The following AFAP1L1 variants were observed in gnomAD, a reference collection of about 807,000 sequenced individuals.
The protein encoded by AFAP1L1 is actin filament-associated protein 1-like 1.
A neutral mutation model predicts 99.8 loss-of-function variants in AFAP1L1; 77 were observed. The observed-to-expected ratio is 0.77, with a 90% confidence interval of 0.64 to 0.93. AFAP1L1 has a LOEUF of 0.93. Ranked by LOEUF, AFAP1L1 falls within the 40% of genes least tolerant of loss-of-function variation. The pLI is 0.00. For synonymous variants in AFAP1L1, 373 were observed against 395.3 expected, an observed-to-expected ratio of 0.94 and a Z score of 0.67; for missense variants, 893 against 996.8, an observed-to-expected ratio of 0.90 and a Z score of 1.40.
chr5:149,290,205 C>A (rs1206255801), intron 1 of AFAP1L1, among the ~76,000 whole-genome samples: 2 of 152,192 alleles, frequency 1.3e-5, no homozygotes, highest in African/African-American at 4.8e-5. Context: ...TGCACTCCAG[C>A]CTGGGCAACA....
At chr5:149,326,037 CAG>C (rs770634216) in intron 15 of AFAP1L1, among the ~76,000 whole-genome samples, 34 of 152,174 alleles carry the variant, frequency 2.2e-4, no homozygotes, top group Non-Finnish European at 4.9e-4. Context: ...AGCAGTGACT[CAG>C]AGATTTTGCC....
Position 149,317,889 on chromosome 5 carries a change from C to T in AFAP1L1, c.1428C>T (p.His476=). 1.9e-6 allele frequency: 3 copies of T among 1,597,414 alleles called. No homozygotes were observed. Among genetic ancestry groups the T allele is most frequent in the Non-Finnish European group, 1.7e-6 (2 of 1,172,086 alleles). The change falls in exon 12 of 19, where the codon CAC becomes CAT. Residue 476 remains histidine (H), a synonymous_variant. Transcript: ENST00000296721. ...CEVAPGFGPR[H]PFAFRILRNR... is the part of the protein sequence containing the mutation. ...TGGCCCCGGGCTTTGGGCCCCGACACCCATTTGCCTTCAGGATCCTGCGCA... is the reference window on the plus strand; with the variant it reads ...TGGCCCCGGGCTTTGGGCCCCGACATCCATTTGCCTTCAGGATCCTGCGCA...
chr5:149,285,858 T>A (rs352356), intron 1 of AFAP1L1, among the ~76,000 whole-genome samples: 117,488 of 151,550 alleles, frequency 0.78, 47,428 homozygotes, highest in Non-Finnish European at 0.88. Flanking sequence ...GGCAGGATTC[T>A]TGGGGCCTCC....
intron 9 of AFAP1L1, among the ~76,000 whole-genome samples, chr5:149,314,132 A>G (rs1265427545): frequency 2.0e-5 from 3 of 152,198 alleles, no homozygotes; most frequent in African/African-American, 7.2e-5. Context: ...AACAGAAGCA[A>G]AGGTATGGGA....
chr5:149,275,458 T>C (rs1370620225), intron 1 of AFAP1L1, among the ~76,000 whole-genome samples: 1 of 128,876 alleles, frequency 7.8e-6, no homozygotes, highest in East Asian at 2.9e-4. Flanking sequence ...CTTCTTCTTC[T>C]TCCTCTTCCT....
rs182786818 is a variant in AFAP1L1, at chr5:149,299,803, C to T, written c.145+166C>T. The stretch of plus-strand genomic sequence containing the variant: ...GACACAGCGTCCAATGCATTCCATG[C>T]GAGCTCTTGCCCAATGTCCTTGTCC... On this transcript the variant is annotated intron_variant, in intron 2 of 18. Coordinates refer to ENST00000296721, the MANE Select transcript of AFAP1L1 (RefSeq NM_152406.4). Among the ~76,000 whole-genome samples the T allele has an allele frequency of 3.3e-3, 503 of 152,220 alleles. 3 individuals are homozygous for T. The highest frequency in any genetic ancestry group is 0.011 in the African/African-American group (450 of 41,500).
intron 9 of AFAP1L1, among the ~76,000 whole-genome samples, chr5:149,314,070 C>CAAGG (rs1756722062): frequency 6.6e-6 from 1 of 152,112 alleles, no homozygotes; most frequent in Non-Finnish European, 1.5e-5. Flanking sequence ...CTATGTTGAG[C>CAAGG]CTTAAGGCAT....
chr5:149,283,102 T>C (rs1052026917), intron 1 of AFAP1L1, among the ~76,000 whole-genome samples: 2 of 152,194 alleles, frequency 1.3e-5, no homozygotes, highest in African/African-American at 4.8e-5. Context: ...TAATCCTATC[T>C]CATTGATTCT....
At chr5:149,278,448 T>C (rs939380653) in intron 1 of AFAP1L1, among the ~76,000 whole-genome samples, 1 of 152,160 alleles carries the variant, frequency 6.6e-6, no homozygotes, top group African/African-American at 2.4e-5. Context: ...GAGCCTCTAC[T>C]CCTTTCTGAT....
In AFAP1L1 at chr5:149,320,604, T is replaced by C. The variant is rs771130750; in HGVS notation, c.1698+141T>C. 2.8e-5 allele frequency: 21 copies of C among 761,630 alleles called. No homozygotes were observed. The highest frequency in any genetic ancestry group is 1.4e-4 in the African/African-American group (8 of 57,292). 47.2% of individuals were successfully genotyped at this position (761,630 alleles called of 1,614,324 possible). A position where few individuals can be genotyped will look rare whatever the true frequency, so the allele number is the denominator to read the frequency against. On this transcript the variant is annotated intron_variant, in intron 14 of 18. Transcript: ENST00000296721. The surrounding 1 kb of genome is among the most constrained non-coding windows in gnomAD (Gnocchi z 4.0). ...CTAGAAGGGGAGCCCCTTCTTATCA[T>C]AGAGCATGGCTCAGGATGAGGAATC...
At chr5:149,301,317 C>T in intron 4 of AFAP1L1, 87 bp downstream of exon 4, 1 of 1,282,438 alleles carries the variant, frequency 7.8e-7, no homozygotes, top group Non-Finnish European at 1.1e-6. Context: ...ACTGGGTGCT[C>T]TCCTGGCGGT....
At chr5:149,328,361 G>C (rs1264317855) in intron 15 of AFAP1L1, among the ~76,000 whole-genome samples, 3 of 152,210 alleles carry the variant, frequency 2.0e-5, no homozygotes, top group Non-Finnish European at 4.4e-5. Context: ...TTGAACTATG[G>C]CCTTGGCCCA....
chr5:149,329,918 T>C (rs1757208916), intron 16 of AFAP1L1, 88 bp downstream of exon 16: 1 of 1,249,826 alleles, frequency 8.0e-7, no homozygotes, highest in Non-Finnish European at 1.0e-6. Flanking sequence ...ACAAGTCACC[T>C]GGTTTCTTAC....
intron 9 of AFAP1L1, chr5:149,315,513 A>G (rs1043402068): frequency 2.3e-5 from 8 of 341,418 alleles, no homozygotes; most frequent in Admixed American, 2.3e-4. Flanking sequence ...TTCCACTTAA[A>G]TACTTTCCCA....
intron 1 of AFAP1L1, among the ~76,000 whole-genome samples, chr5:149,290,777 C>T (rs1445295715): frequency 6.6e-6 from 1 of 151,906 alleles, no homozygotes; most frequent in African/African-American, 2.4e-5. Context: ...ACTATAAGGC[C>T]AGACATGGTT....
intron 18 of AFAP1L1, among the ~76,000 whole-genome samples, chr5:149,339,507 A>G (rs1757501402): frequency 6.6e-6 from 1 of 152,220 alleles, no homozygotes; most frequent in Admixed American, 6.5e-5. Flanking sequence ...AAACTTATTT[A>G]CAGGCACTGA....
At chr5:149,323,968 T>C (rs946061061) in intron 15 of AFAP1L1, among the ~76,000 whole-genome samples, 10 of 152,230 alleles carry the variant, frequency 6.6e-5, no homozygotes, top group Non-Finnish European at 2.9e-5. Flanking sequence ...TCAAATCTTA[T>C]ATGAAAGCCC....
intron 15 of AFAP1L1, among the ~76,000 whole-genome samples, chr5:149,329,465 C>T (rs1757188944): frequency 6.6e-6 from 1 of 152,208 alleles, no homozygotes; most frequent in African/African-American, 2.4e-5. Context: ...CAAGGCCTTG[C>T]TCCTAGTCCG....
Position 149,307,427 on chromosome 5 carries a change from C to G in AFAP1L1, c.561C>G (p.Ser187Arg), listed in dbSNP as rs745640217. 6.2e-7 allele frequency: 1 copy of G among 1,614,162 alleles called. No homozygotes were observed. Among genetic ancestry groups the G allele is most frequent in the Non-Finnish European group, 8.5e-7 (1 of 1,180,034 alleles). Residue 187 changes from serine to arginine, a missense_variant, in exon 7 of 19, where the codon AGC (serine) becomes AGG (arginine). Ser to Arg is a moderately radical substitution (Grantham distance 110). Coordinates refer to ENST00000296721, the MANE Select transcript of AFAP1L1 (RefSeq NM_152406.4). The stretch of plus-strand genomic sequence containing the variant: ...ATAATGACTCTGACGCAATGAGCAG[C>G]TCCTATGAGTCCTACGATGAAGAGG... Reference protein sequence around the residue: ...SSYNDSDAMSSSYESYDEEEE... With the variant: ...SSYNDSDAMSRSYESYDEEEE...
Sources: gnomAD v4.1 joint callset for allele counts (sites outside exome capture counted in the v4.1 genomes callset) on GRCh38, gnomAD v4.1.1 for gene constraint, Gnocchi (gnomAD v3.1) non-coding constraint, MANE v1.5 for transcripts, NCBI Gene and HGNC (gene_info 2026-07-23, HGNC 2026-07-21) for gene names.